NAALAD2: variants seen among roughly 807,000 people sequenced by gnomAD.
NAALAD2 encodes N-acetylated-alpha-linked acidic dipeptidase 2.
NAALAD2 carries 89 observed loss-of-function variants against 95.6 expected under a neutral mutation model. The observed-to-expected ratio is 0.93, with a 90% confidence interval of 0.78 to 1.11. The LOEUF (loss-of-function observed/expected upper bound fraction) is 1.11. Ranked by LOEUF, NAALAD2 falls within the 50% of genes least tolerant of loss-of-function variation. The pLI, the probability that NAALAD2 is intolerant of heterozygous loss-of-function variation, is 0.00. For missense variants in NAALAD2, 894 were observed against 872.4 expected (o/e 1.02, Z -0.31); for synonymous variants, 264 against 294.4 (o/e 0.90, Z 1.06).
intron 2 of NAALAD2, among the ~76,000 whole-genome samples, chr11:90,146,307 G>GT (rs1951748258): frequency 1.4e-5 from 2 of 147,110 alleles, no homozygotes; most frequent in Non-Finnish European, 3.0e-5. Flanking sequence ...ATTAAAAAAG[G>GT]GTTTATTTTT....
intron 15 of NAALAD2, among the ~76,000 whole-genome samples, chr11:90,176,808 T>C (rs1477434949): frequency 3.9e-5 from 6 of 152,160 alleles, no homozygotes; most frequent in Non-Finnish European, 8.8e-5. Context: ...ACTTGCAAAT[T>C]TGACTGTTCA....
chr11:90,182,139 C>T (rs1952990751), intron 17 of NAALAD2, among the ~76,000 whole-genome samples: 1 of 152,048 alleles, frequency 6.6e-6, no homozygotes, highest in Admixed American at 6.6e-5. Context: ...TTCAGTACTC[C>T]TGTGTACCAG....
rs1565159965 is a variant in NAALAD2, at chr11:90,191,564, C to CAT, written c.2043_2044dup (p.Phe682TyrfsTer38). The CAT allele has an allele frequency of 1.3e-6, 2 of 1,581,956 alleles. No homozygotes were observed. The highest frequency in any genetic ancestry group is 1.7e-6 in the Non-Finnish European group (2 of 1,165,704). On this transcript the variant is annotated frameshift_variant, in exon 19 of 19. Transcript: ENST00000534061. LOFTEE classifies it high-confidence loss of function. ...CTTGTTTTCTTCCTTTTAGGCACAT[C>CAT]ATATTTGCTCCAAGTAGCCACAACA...
intron 3 of NAALAD2, 56 bp from the exon 4 acceptor site, chr11:90,148,950 A>G: frequency 3.6e-6 from 4 of 1,126,412 alleles, no homozygotes; most frequent in Non-Finnish European, 5.3e-6. Context: ...AAAATGAATT[A>G]TATCTTAATA....
intron 3 of NAALAD2, among the ~76,000 whole-genome samples, chr11:90,147,962 G>A (rs1951788307): frequency 1.3e-5 from 2 of 152,168 alleles, no homozygotes; most frequent in Admixed American, 6.5e-5. Context: ...AGTTTTATTG[G>A]GAGAATGTAA....
At chr11:90,155,269 A>C (rs1201566580) in intron 6 of NAALAD2, among the ~76,000 whole-genome samples, 2 of 124,992 alleles carry the variant, frequency 1.6e-5, no homozygotes, top group African/African-American at 3.0e-5. Context: ...TGTATATAGA[A>C]TGTATATATT....
chr11:90,175,950 G>T, intron 14 of NAALAD2, 22 bp from the exon 15 acceptor site: 1 of 1,448,858 alleles, frequency 6.9e-7, no homozygotes. Context: ...GTGTGTGTGT[G>T]TGGATTGCAT....
chr11:90,164,143 T>C (rs1410951070), intron 11 of NAALAD2: 1 of 156,626 alleles, frequency 6.4e-6, no homozygotes, highest in Non-Finnish European at 1.4e-5. Flanking sequence ...TTGTTAAGTA[T>C]AAAGTGATAA....
At chr11:90,136,439 C>T (rs1951455758) in intron 2 of NAALAD2, among the ~76,000 whole-genome samples, 1 of 152,154 alleles carries the variant, frequency 6.6e-6, no homozygotes, top group Admixed American at 6.5e-5. Context: ...GTTTATTCCC[C>T]ATCCCCCTCC....
At chr11:90,184,543 T>C (rs1857066065) in intron 18 of NAALAD2, among the ~76,000 whole-genome samples, 1 of 152,134 alleles carries the variant, frequency 6.6e-6, no homozygotes, top group Non-Finnish European at 1.5e-5. Flanking sequence ...ATCTACAGTG[T>C]TTGTTAGTCC....
rs749818857 is a variant in NAALAD2 at position 90,135,618 on chromosome 11, C to A, written c.142C>A (p.Arg48=). ...TTCTGTGCGCTATCATCAAAGTATA[C>A]GGTGGAAACTGGTATCCGAAATGAA... ...TTSVRYHQSI[R]WKLVSEMKAE... Residue 48 remains arginine (R), a synonymous_variant, in exon 2 of 19, where the codon CGG becomes AGG. Coordinates refer to ENST00000534061, the MANE Select transcript of NAALAD2 (RefSeq NM_005467.4). 3 of 1,612,938 alleles carry A rather than the reference C, an allele frequency of 1.9e-6. No homozygotes were observed. Among genetic ancestry groups the A allele is most frequent in the Non-Finnish European group, 2.5e-6 (3 of 1,179,380 alleles).
chr11:90,168,285 C>T (rs553184479), intron 11 of NAALAD2, among the ~76,000 whole-genome samples: 1 of 152,308 alleles, frequency 6.6e-6, no homozygotes, highest in African/African-American at 2.4e-5. Context: ...GACACGCCGC[C>T]TTTAAGAACG....
chr11:90,182,487 C>A (rs1372344181), intron 17 of NAALAD2, among the ~76,000 whole-genome samples: 2 of 152,044 alleles, frequency 1.3e-5, no homozygotes, highest in African/African-American at 4.8e-5. Context: ...TATCTCTTAC[C>A]CTCCTTACAG....
intron 7 of NAALAD2, chr11:90,158,519 T>C: frequency 3.4e-6 from 1 of 293,266 alleles, no homozygotes; most frequent in Non-Finnish European, 6.2e-6. Flanking sequence ...TTCAAGCAAT[T>C]GAATTTTCAT....
At chr11:90,163,084 GT>G in intron 9 of NAALAD2, 50 bp downstream of exon 9, 1 of 1,379,792 alleles carries the variant, frequency 7.2e-7, no homozygotes. Context: ...AAATTAAAGG[GT>G]AAGTAAAGAT....
At chr11:90,188,561 G>A (rs1009332193) in intron 18 of NAALAD2, among the ~76,000 whole-genome samples, 17 of 152,224 alleles carry the variant, frequency 1.1e-4, no homozygotes, top group Middle Eastern at 3.4e-3. Flanking sequence ...TTCTCAGGGC[G>A]TCCTCAGTTG....
chr11:90,191,828 A>T lies in NAALAD2; in HGVS notation c.*81A>T, dbSNP rs682943. 2.3e-5 allele frequency: 26 copies of T among 1,149,340 alleles called. No individual in the cohort carries two copies. Among genetic ancestry groups the T allele is most frequent in the Non-Finnish European group, 2.7e-5 (23 of 851,648 alleles). 71.2% of individuals were successfully genotyped at this position (1,149,340 alleles called of 1,614,324 possible). A position where few individuals can be genotyped will look rare whatever the true frequency, so the allele number is the denominator to read the frequency against. ...CACCTTTCTGATAACTTATGAAGCCAGGGTGTTCTAAACTCTTTTCATGTC... is the reference window on the plus strand; with the variant it reads ...CACCTTTCTGATAACTTATGAAGCCTGGGTGTTCTAAACTCTTTTCATGTC... On this transcript the variant is annotated 3_prime_UTR_variant, in exon 19 of 19. Transcript: ENST00000534061.
intron 18 of NAALAD2, among the ~76,000 whole-genome samples, chr11:90,186,941 A>G (rs535402677): frequency 1.4e-4 from 20 of 144,004 alleles, no homozygotes; most frequent in African/African-American, 4.8e-4. Flanking sequence ...ACAAAGGGCT[A>G]ATATCCAGAA....
chr11:90,135,574 C>G lies in NAALAD2; in HGVS notation c.98C>G (p.Pro33Arg). The G allele has an allele frequency of 6.2e-7, 1 of 1,609,472 alleles. No individual in the cohort carries two copies. The highest frequency in any genetic ancestry group is 8.5e-7 in the Non-Finnish European group (1 of 1,177,542). Residue 33 changes from proline (P) to arginine (R), a missense_variant, in exon 2 of 19, where the codon CCT (proline) becomes CGT (arginine). Coordinates refer to ENST00000534061, the MANE Select transcript of NAALAD2 (RefSeq NM_005467.4). ...MGFMVGWFIK[P>R]LKETTTSVRY... ...TTTTCCTTAGGCTGGTTTATTAAGC[C>G]TCTCAAAGAAACGACCACTTCTGTG...
Sources: gnomAD v4.1 joint callset for allele counts (sites outside exome capture counted in the v4.1 genomes callset) on GRCh38, gnomAD v4.1.1 for gene constraint, MANE v1.5 for transcripts, NCBI Gene and HGNC (gene_info 2026-07-23, HGNC 2026-07-21) for gene names.